PKD2: variants seen among roughly 807,000 people sequenced by gnomAD.
PKD2 encodes polycystin-2.
A neutral mutation model predicts 105.9 loss-of-function variants in PKD2; 48 were observed. The observed-to-expected ratio is 0.45, with a 90% CI of 0.36 to 0.58. The LOEUF is 0.58. PKD2 is among the 20% of genes least tolerant of loss of function. PKD2 has a pLI of 0.00. For missense variants in PKD2, 1,078 were observed against 1,255.3 expected (o/e 0.86, Z 2.13); for synonymous variants, 464 against 481.1 (o/e 0.96, Z 0.46).
At chr4:88,038,156 G>C in intron 3 of PKD2, 95 bp from the exon 4 acceptor site, 1 of 1,245,020 alleles carries the variant, frequency 8.0e-7, no homozygotes, top group Non-Finnish European at 1.2e-6. Context: ...TATTTTCATA[G>C]AGTTGCCAAA....
chr4:88,041,213 C>T (rs1304548413), intron 4 of PKD2, among the ~76,000 whole-genome samples: 1 of 152,192 alleles, frequency 6.6e-6, no homozygotes, highest in East Asian at 1.9e-4. Flanking sequence ...GCCATGTTTC[C>T]TCCTTGCCCC....
intron 1 of PKD2, 104 bp from the exon 2 acceptor site, chr4:88,019,354 C>G: frequency 1.5e-6 from 1 of 686,136 alleles, no homozygotes; most frequent in South Asian, 1.7e-5. Context: ...GAGAATCTCC[C>G]TTATAGGTGA....
rs375786966 is a variant in PKD2 at position 88,025,159 on chromosome 4, A to G, written c.709+5588A>G. 8.6e-5 allele frequency among the ~76,000 whole-genome samples: 13 copies of G among 151,932 alleles called. No homozygotes were observed. In the East Asian group the frequency reaches 2.5e-3, roughly 30 times the overall value. ...TGTCTCAGAAAAAGAAAAGAAAAGAATAGAAAAAGAATCCATGGGCAGGCA... is the reference window on the plus strand; with the variant it reads ...TGTCTCAGAAAAAGAAAAGAAAAGAGTAGAAAAAGAATCCATGGGCAGGCA... On this transcript the variant is annotated intron_variant, in intron 2 of 14. Transcript: ENST00000237596.
intron 1 of PKD2, among the ~76,000 whole-genome samples, chr4:88,015,852 A>G (rs1325087181): frequency 2.0e-5 from 3 of 152,166 alleles, no homozygotes; most frequent in Non-Finnish European, 4.4e-5. Flanking sequence ...CAGTGTTCCT[A>G]TTAATAAGTA....
At position 88,007,648 on chromosome 4, in the gene PKD2, C is replaced by A; in HGVS notation, c.-86C>A. 3.4e-6 allele frequency: 3 copies of A among 885,028 alleles called. No homozygotes were observed. Among genetic ancestry groups the A allele is most frequent in the South Asian group, 4.7e-5 (1 of 21,322 alleles). 54.8% of individuals were successfully genotyped at this position (885,028 alleles called of 1,614,324 possible). On this transcript the variant is annotated 5_prime_UTR_variant, in exon 1 of 15. Coordinates refer to ENST00000237596, the MANE Select transcript of PKD2 (RefSeq NM_000297.4). ...GGGGCGGGGAGCAGGCGGCGGCGGG[C>A]GCCGGGAAGAAAGGAACATGGCTCC...
intron 4 of PKD2, among the ~76,000 whole-genome samples, chr4:88,042,602 A>G (rs940627853): frequency 6.6e-6 from 1 of 152,124 alleles, no homozygotes; most frequent in Non-Finnish European, 1.5e-5. Flanking sequence ...ATCCCCAAAT[A>G]AGGACAGCTT....
At chr4:88,045,018 G>T (rs1560612996) in intron 5 of PKD2, among the ~76,000 whole-genome samples, 2 of 152,036 alleles carry the variant, frequency 1.3e-5, no homozygotes, top group African/African-American at 2.4e-5. Flanking sequence ...AAAAAGAAAA[G>T]AATAAAAAGG....
At chr4:88,071,083 T>A (rs1359156819) in intron 13 of PKD2, among the ~76,000 whole-genome samples, 1 of 151,414 alleles carries the variant, frequency 6.6e-6, no homozygotes, top group Non-Finnish European at 1.5e-5. Flanking sequence ...AGAGATAGGG[T>A]CTCTCTCTGT....
At chr4:88,034,921 G>A (rs1178772514) in intron 2 of PKD2, among the ~76,000 whole-genome samples, 1 of 152,100 alleles carries the variant, frequency 6.6e-6, no homozygotes, top group East Asian at 1.9e-4. Context: ...AATCATTAAA[G>A]TCCAGAATGA....
Position 88,043,238 on chromosome 4 carries a change from T to G in PKD2, c.1100T>G (p.Ile367Ser). ...PFGPRNGTAW[I>S]YTSEKDLNGS... ...TTGGTTTTGTTTTTAATCAGTTGGA[T>G]CTACACAAGTGAAAAAGACTTGAAT... The change falls in exon 5 of 15, where the codon ATC becomes AGC. Residue 367 changes from isoleucine (I) to serine (S), a missense_variant. By Grantham distance (142) the Ile-to-Ser change is moderately radical. Transcript: ENST00000237596. The G allele has an allele frequency of 6.2e-7, 1 of 1,601,516 alleles. No individual in the cohort carries two copies. Among genetic ancestry groups the G allele is most frequent in the Non-Finnish European group, 8.6e-7 (1 of 1,168,764 alleles).
intron 2 of PKD2, 31 bp downstream of exon 2, chr4:88,019,602 A>C (rs765103326): frequency 5.2e-6 from 6 of 1,151,368 alleles, no homozygotes; most frequent in South Asian, 2.5e-5. Context: ...CACTAATGGG[A>C]AAGTTTTGAA....
intron 7 of PKD2, 144 bp downstream of exon 7, chr4:88,052,302 T>C: frequency 1.5e-6 from 1 of 655,688 alleles, no homozygotes; most frequent in African/African-American, 1.8e-5. Flanking sequence ...AGGGTCTCAC[T>C]CTGTCACCCA....
chr4:88,019,384 A>G, intron 1 of PKD2, 74 bp from the exon 2 acceptor site: 1 of 796,988 alleles, frequency 1.3e-6, no homozygotes, highest in Non-Finnish European at 2.1e-6. Context: ...TTTGTGCTTT[A>G]TTTTCCCTTT....
chr4:88,031,524 G>T (rs1727151124), intron 2 of PKD2, among the ~76,000 whole-genome samples: 1 of 152,076 alleles, frequency 6.6e-6, no homozygotes, highest in African/African-American at 2.4e-5. Context: ...TGTGGCCAAG[G>T]CATCTTAGTT....
chr4:88,052,799 C>T (rs1005375760), intron 7 of PKD2, among the ~76,000 whole-genome samples: 2 of 152,046 alleles, frequency 1.3e-5, no homozygotes, highest in Admixed American at 1.3e-4. Flanking sequence ...AGGGAAGGAG[C>T]AGGTGGAGGG....
Position 88,022,314 on chromosome 4 carries a change from T to C in PKD2, c.709+2743T>C, listed in dbSNP as rs1372292036. On this transcript the variant is annotated intron_variant, in intron 2 of 14. Coordinates refer to ENST00000237596, the MANE Select transcript of PKD2 (RefSeq NM_000297.4). ...AAGCCTCACAGTATCAGCAGAGTTATTATCTCTATCCATATCCTTGTAAAT... is the reference window on the plus strand; with the variant it reads ...AAGCCTCACAGTATCAGCAGAGTTACTATCTCTATCCATATCCTTGTAAAT... 2.6e-5 allele frequency among the ~76,000 whole-genome samples: 4 copies of C among 152,360 alleles called. 1 individual carries two copies. The East Asian group carries it at 7.7e-4, about 29-fold the overall frequency.
intron 2 of PKD2, among the ~76,000 whole-genome samples, chr4:88,028,552 A>C (rs1489259332): frequency 6.6e-6 from 1 of 152,278 alleles, no homozygotes; most frequent in Non-Finnish European, 1.5e-5. Flanking sequence ...TAGAAGATGT[A>C]TAAATGTACT....
chr4:88,037,437 TGAAAAG>T (rs1727377940), intron 3 of PKD2, among the ~76,000 whole-genome samples: 1 of 152,128 alleles, frequency 6.6e-6, no homozygotes, highest in South Asian at 2.1e-4. Flanking sequence ...GAAGGGAAAT[TGAAAAG>T]GAAATTATTA....
At chr4:88,057,940 A>T (rs1359330108) in intron 8 of PKD2, 43 bp from the exon 9 acceptor site, 2 of 1,479,652 alleles carry the variant, frequency 1.4e-6, no homozygotes, top group African/African-American at 2.8e-5. Context: ...ACTAGTGGAC[A>T]TTCTTTGTTT....
Sources: gnomAD v4.1 joint callset for allele counts (sites outside exome capture counted in the v4.1 genomes callset) on GRCh38, gnomAD v4.1.1 for gene constraint, MANE v1.5 for transcripts, NCBI Gene and HGNC (gene_info 2026-07-23, HGNC 2026-07-21) for gene names.